The following STX6 variants were observed in gnomAD, a reference collection of about 807,000 sequenced individuals.
STX6 encodes the protein syntaxin 6, also known as syntaxin-6.
A neutral mutation model predicts 38.0 loss-of-function variants in STX6; 23 were observed. The observed-to-expected ratio is 0.60, with a 90% CI of 0.43 to 0.86. The LOEUF (loss-of-function observed/expected upper bound fraction) is 0.86. STX6 is among the 40% of genes least tolerant of loss of function. STX6 has a pLI of 0.00. For synonymous variants in STX6, 123 were observed against 107.5 expected (o/e 1.14, Z -0.89); for missense variants, 274 against 312.9 (o/e 0.88, Z 0.94).
At chr1:181,022,307 G>T (rs1656755708) in intron 1 of STX6, among the ~76,000 whole-genome samples, 1 of 152,172 alleles carries the variant, frequency 6.6e-6, no homozygotes. Flanking sequence ...CGACTAGACG[G>T]CCAGTGTGCG....
intron 3 of STX6, among the ~76,000 whole-genome samples, chr1:180,995,170 C>T (rs750304863): frequency 7.9e-5 from 12 of 152,048 alleles, no homozygotes; most frequent in Non-Finnish European, 1.6e-4. Context: ...AGTATGTTGG[C>T]CAGGATGGTC....
At chr1:181,017,925 G>C (rs559853551) in intron 1 of STX6, among the ~76,000 whole-genome samples, 85 of 152,238 alleles carry the variant, frequency 5.6e-4, no homozygotes, top group African/African-American at 2.0e-3. Context: ...AAAATCAGAA[G>C]CAGCAATACA....
intron 1 of STX6, 94 bp from the exon 2 acceptor site, chr1:181,005,557 C>T: frequency 8.3e-7 from 1 of 1,201,500 alleles, no homozygotes; most frequent in Non-Finnish European, 1.1e-6. Context: ...GATCATACAC[C>T]ATCCTCAGCA....
intron 2 of STX6, among the ~76,000 whole-genome samples, chr1:181,003,963 G>T (rs1056301679): frequency 6.6e-6 from 1 of 152,206 alleles, no homozygotes; most frequent in South Asian, 2.1e-4. Flanking sequence ...TAAACATGAA[G>T]ACAGTCTACA....
At chr1:181,009,146 A>G (rs554846629) in intron 1 of STX6, among the ~76,000 whole-genome samples, 1 of 152,234 alleles carries the variant, frequency 6.6e-6, no homozygotes, top group South Asian at 2.1e-4. Flanking sequence ...ATATTTTTTT[A>G]AACTCTCAAA....
chr1:181,016,711 CAACAT>C (rs1409627081), intron 1 of STX6, among the ~76,000 whole-genome samples: 2 of 152,146 alleles, frequency 1.3e-5, no homozygotes, highest in Non-Finnish European at 2.9e-5. Context: ...TTAAAGAACA[CAACAT>C]AACATATACC....
intron 5 of STX6, 121 bp downstream of exon 5, chr1:180,989,863 C>T (rs1655701007): frequency 5.0e-6 from 6 of 1,197,044 alleles, no homozygotes; most frequent in Non-Finnish European, 7.2e-6. Flanking sequence ...ACAATCAACA[C>T]AGGACAAGCT....
intron 7 of STX6, among the ~76,000 whole-genome samples, chr1:180,980,913 G>C (rs533935699): frequency 6.6e-6 from 1 of 152,308 alleles, no homozygotes; most frequent in East Asian, 1.9e-4. Flanking sequence ...ACTGCTAAGT[G>C]AGAGAAGCCA....
In STX6 at chr1:180,978,600, C is replaced by T. The variant is rs185945809; in HGVS notation, c.692-1954G>A. Among the ~76,000 whole-genome samples the T allele has an allele frequency of 2.5e-3, 380 of 152,286 alleles. 6 individuals are homozygous for T. Among genetic ancestry groups the T allele is most frequent in the African/African-American group, 8.5e-3 (352 of 41,566 alleles). On this transcript the variant is annotated intron_variant, in intron 7 of 7. Coordinates refer to ENST00000258301, the MANE Select transcript of STX6 (RefSeq NM_005819.6). ...AGGCGGAGGGGAAAAAGAATCACTA[C>T]GAAATACTCCAGAGCACTCTGTTCT...
chr1:180,981,228 C>T (rs1655405469), intron 7 of STX6, among the ~76,000 whole-genome samples: 1 of 152,012 alleles, frequency 6.6e-6, no homozygotes, highest in Admixed American at 6.6e-5. Context: ...AAACGTACCA[C>T]CGTGATGCTT....
At chr1:180,984,958 T>TA (rs1260214296) in intron 6 of STX6, among the ~76,000 whole-genome samples, 187 bp from the exon 7 acceptor site, 2 of 152,074 alleles carry the variant, frequency 1.3e-5, no homozygotes, top group Non-Finnish European at 2.9e-5. Flanking sequence ...TTCTCAGGAT[T>TA]AAAAAAAGCC....
At chr1:181,002,294 T>G in intron 3 of STX6, among the ~76,000 whole-genome samples, 1 of 151,882 alleles carries the variant, frequency 6.6e-6, no homozygotes, top group African/African-American at 2.4e-5. Context: ...AGACAACAGG[T>G]GTGCACCACC....
intron 1 of STX6, among the ~76,000 whole-genome samples, chr1:181,014,556 A>G (rs1656502311): frequency 6.6e-6 from 1 of 152,114 alleles, no homozygotes; most frequent in Middle Eastern, 3.2e-3. Flanking sequence ...CAATACAGTA[A>G]AAGAGGCTAG....
chr1:181,002,567 T>TTTC, intron 3 of STX6, 39 bp downstream of exon 3: 1 of 1,459,046 alleles, frequency 6.9e-7, no homozygotes, highest in Non-Finnish European at 9.5e-7. Flanking sequence ...AGTCTGGCTA[T>TTTC]TTCTTATACA....
intron 7 of STX6, among the ~76,000 whole-genome samples, chr1:180,981,990 G>A (rs1279670220): frequency 1.3e-5 from 2 of 152,074 alleles, no homozygotes; most frequent in African/African-American, 4.8e-5. Context: ...ATGGAATGTT[G>A]GAAAGTAAGA....
intron 1 of STX6, among the ~76,000 whole-genome samples, chr1:181,015,113 T>C (rs1239539632): frequency 1.3e-5 from 2 of 152,184 alleles, no homozygotes; most frequent in South Asian, 2.1e-4. Context: ...CTTCCTCCAC[T>C]GGATCCCAAT....
chr1:180,997,924 C>CATTTT (rs1655960196), intron 3 of STX6, among the ~76,000 whole-genome samples: 1 of 152,128 alleles, frequency 6.6e-6, no homozygotes, highest in Non-Finnish European at 1.5e-5. Flanking sequence ...AACGAAGAGG[C>CATTTT]ATTTTCTCTT....
At chr1:181,002,381 T>G (rs1656106759) in intron 3 of STX6, among the ~76,000 whole-genome samples, 1 of 152,018 alleles carries the variant, frequency 6.6e-6, no homozygotes, top group Non-Finnish European at 1.5e-5. Flanking sequence ...TTCAAACCCC[T>G]GGGCTCAAGT....
At position 180,974,715 on chromosome 1, in the gene STX6, CTTAGT is replaced by C. The variant is rs1377111579; in HGVS notation, c.*1850_*1854del. On this transcript the variant is annotated 3_prime_UTR_variant, in exon 8 of 8. Transcript: ENST00000258301. ...TGCAAATCTAAGGATCATCCCCTTT[CTTAGT>C]TTATAGAAGATTCAAACTTTGTAAA... 1.3e-5 allele frequency: 2 copies of C among 152,654 alleles called. No homozygotes were observed. The highest frequency in any genetic ancestry group is 2.9e-5 in the Non-Finnish European group (2 of 68,040). 9.5% of individuals were successfully genotyped at this position (152,654 alleles called of 1,614,324 possible). A position where few individuals can be genotyped will look rare whatever the true frequency, so the allele number is the denominator to read the frequency against.
Sources: allele counts gnomAD v4.1 joint callset (sites outside exome capture counted in the v4.1 genomes callset), GRCh38; gene constraint gnomAD v4.1.1; transcripts MANE v1.5; gene names NCBI Gene and HGNC (gene_info 2026-07-23, HGNC 2026-07-21).